The following HTR2A variants were observed in gnomAD, a reference collection of about 807,000 sequenced individuals.
HTR2A encodes 5-HT2 receptor.
In HTR2A, 14 loss-of-function variants were observed where a neutral mutation model predicts 31.0. That is an observed-to-expected ratio of 0.45 (90% CI 0.30 to 0.71). HTR2A has a LOEUF of 0.71. HTR2A is among the 30% of genes least tolerant of loss of function. The probability of loss-of-function intolerance (pLI) is 0.09; values close to 1 mark genes in which losing one functional copy is unlikely to be tolerated. For missense variants in HTR2A, 442 were observed against 573.3 expected (o/e 0.77, Z 2.34); for synonymous variants, 209 against 225.2 (o/e 0.93, Z 0.64).
At chr13:46,846,740 T>G (rs1593427957) in intron 3 of HTR2A, among the ~76,000 whole-genome samples, 1 of 152,208 alleles carries the variant, frequency 6.6e-6, no homozygotes, top group Admixed American at 6.5e-5. Flanking sequence ...ACTTCCACTG[T>G]GTCCTTTCTC....
rs201140013 is a variant in HTR2A at position 46,863,645 on chromosome 13, A to G, written c.614-28006T>C. Among the ~76,000 whole-genome samples the G allele has an allele frequency of 2.0e-4, 6 of 30,536 alleles. 1 individual carries two copies. The Admixed American group carries it at 2.1e-3, about 11-fold the overall frequency. The allele number at this position is 30,536 out of a possible 152,430, so 20.0% of individuals were successfully genotyped here. A position where few individuals can be genotyped will look rare whatever the true frequency, so the allele number is the denominator to read the frequency against. On this transcript the variant is annotated intron_variant, in intron 3 of 3. Coordinates refer to ENST00000542664, the MANE Select transcript of HTR2A (RefSeq NM_000621.5). ...CCCTCAAAATGAAAAAAAAAAAAAA[A>G]AAAAGAAAAAAAAAAAAGACAGTCA...
rs1876405250 is a variant in HTR2A, at chr13:46,835,303, T to C, written c.950A>G (p.Asn317Ser). Reference sequence around the variant, plus strand: ...CAGCACCTTGCATGCCTTTTGCTCATTGCTGATGGACTGCATAGTCCTCCT... The same window carrying C: ...CAGCACCTTGCATGCCTTTTGCTCACTGCTGATGGACTGCATAGTCCTCCT... ...TGRRTMQSIS[N>S]EQKACKVLGI... is the part of the protein sequence containing the mutation. Residue 317 changes from asparagine to serine, a missense_variant, in exon 4 of 4, where the codon AAT (asparagine) becomes AGT (serine). Physicochemically the swap from Asn to Ser is conservative, Grantham distance 46. This residue lies in a region of HTR2A where 174 missense variants were observed against 195.1 expected (regional missense o/e 0.89). Coordinates refer to ENST00000542664, the MANE Select transcript of HTR2A (RefSeq NM_000621.5). The C allele has an allele frequency of 1.2e-6, 2 of 1,614,092 alleles. No individual in the cohort carries two copies. The highest frequency in any genetic ancestry group is 1.7e-6 in the Non-Finnish European group (2 of 1,179,990).
At chr13:46,871,966 ATTACT>A (rs750006839) in intron 3 of HTR2A, among the ~76,000 whole-genome samples, 7 of 152,244 alleles carry the variant, frequency 4.6e-5, no homozygotes, top group Non-Finnish European at 7.3e-5. Flanking sequence ...TGCCAGGGAA[ATTACT>A]TTAGTCGTAT....
chr13:46,884,172 T>G (rs1317145363), intron 3 of HTR2A, among the ~76,000 whole-genome samples: 5 of 152,176 alleles, frequency 3.3e-5, no homozygotes, highest in Admixed American at 3.3e-4. Context: ...ACAGGCCGGG[T>G]GAAGTGGCTC....
intron 1 of HTR2A, 51 bp from the exon 2 acceptor site, chr13:46,896,285 AT>A: frequency 9.6e-7 from 1 of 1,045,248 alleles, no homozygotes. Context: ...GTTTAACTAT[AT>A]CTCATTTTGT....
chr13:46,869,085 C>T (rs933729385), intron 3 of HTR2A, among the ~76,000 whole-genome samples: 1 of 152,060 alleles, frequency 6.6e-6, no homozygotes, highest in African/African-American at 2.4e-5. Context: ...AATAGATAAA[C>T]CGGACTTCGT....
At position 46,892,735 on chromosome 13, in the gene HTR2A, C is replaced by G. The variant is rs1000298491; in HGVS notation, c.413-145G>C. 6.1e-6 allele frequency: 4 copies of G among 656,338 alleles called. No individual in the cohort carries two copies. The South Asian group carries it at 7.5e-5, about 12-fold the overall frequency. The allele number at this position is 656,338 out of a possible 1,614,324, so 40.7% of individuals were successfully genotyped here. A position where few individuals can be genotyped will look rare whatever the true frequency, so the allele number is the denominator to read the frequency against. On this transcript the variant is annotated intron_variant, in intron 2 of 3. Transcript: ENST00000542664. ...ATATATTTTTAGTATTTGAAAAAAG[C>G]CCACTGGCAACTGTACTTAACTATG...
rs1011437436 is a variant in HTR2A, at chr13:46,895,430, G to A, written c.412+65C>T. 118 of 1,474,696 alleles carry A rather than the reference G, an allele frequency of 8.0e-5. No homozygotes were observed. The highest frequency in any genetic ancestry group is 1.1e-4 in the Non-Finnish European group (115 of 1,080,382). 91.4% of individuals were successfully genotyped at this position (1,474,696 alleles called of 1,614,324 possible). Reference sequence around the variant, plus strand: ...TTGCCCCCTGAGCCCCATCTCATCTGCTGGTGGCATGCACATGCTCTTTAT... The same window carrying A: ...TTGCCCCCTGAGCCCCATCTCATCTACTGGTGGCATGCACATGCTCTTTAT... On this transcript the variant is annotated intron_variant, in intron 2 of 3. Transcript: ENST00000542664. This position sits in a 1 kb window ranked among gnomAD's most constrained non-coding sequence, Gnocchi z 4.4.
intron 3 of HTR2A, among the ~76,000 whole-genome samples, chr13:46,868,187 C>T (rs1950833879): frequency 6.6e-6 from 1 of 152,186 alleles, no homozygotes; most frequent in South Asian, 2.1e-4. Flanking sequence ...TCAGGAAGCA[C>T]ATAACATTTA....
intron 3 of HTR2A, among the ~76,000 whole-genome samples, chr13:46,889,378 TA>T (rs1222929154): frequency 6.6e-6 from 1 of 152,144 alleles, no homozygotes; most frequent in Non-Finnish European, 1.5e-5. Flanking sequence ...AAATACTATT[TA>T]AAAAGGAGCC....
intron 3 of HTR2A, among the ~76,000 whole-genome samples, chr13:46,872,067 T>C (rs927773746): frequency 6.6e-6 from 1 of 152,202 alleles, no homozygotes; most frequent in Admixed American, 6.5e-5. Flanking sequence ...CTTTCAAATA[T>C]GAGAAGGTAC....
At chr13:46,885,368 G>C (rs1950998276) in intron 3 of HTR2A, among the ~76,000 whole-genome samples, 1 of 152,134 alleles carries the variant, frequency 6.6e-6, no homozygotes, top group Non-Finnish European at 1.5e-5. Flanking sequence ...CTTTCAAATT[G>C]TCTATTTCTT....
In HTR2A at chr13:46,888,158, G is replaced by T. The variant is rs200719824; in HGVS notation, c.613+4232C>A. ...AAGGTTTAGCATACATGAGATTGGA[G>T]TCCCAGACATGAGGAAGAGAGAGAA... On this transcript the variant is annotated intron_variant, in intron 3 of 3. Coordinates refer to ENST00000542664, the MANE Select transcript of HTR2A (RefSeq NM_000621.5). Among the ~76,000 whole-genome samples, 5 of 152,060 alleles carry T rather than the reference G, an allele frequency of 3.3e-5. No homozygotes were observed. The East Asian group carries it at 9.6e-4, about 29-fold the overall frequency.
At chr13:46,853,461 T>A (rs962156779) in intron 3 of HTR2A, among the ~76,000 whole-genome samples, 1 of 152,162 alleles carries the variant, frequency 6.6e-6, no homozygotes, top group Non-Finnish European at 1.5e-5. Flanking sequence ...CACACTGGAA[T>A]CACCTGGCAG....
At chr13:46,854,398 G>A (rs1186513108) in intron 3 of HTR2A, among the ~76,000 whole-genome samples, 1 of 152,196 alleles carries the variant, frequency 6.6e-6, no homozygotes, top group Non-Finnish European at 1.5e-5. Flanking sequence ...ACACCTTAGT[G>A]CTTGCTCCTC....
chr13:46,862,672 T>C (rs139717102), intron 3 of HTR2A, among the ~76,000 whole-genome samples: 3 of 152,338 alleles, frequency 2.0e-5, no homozygotes, highest in African/African-American at 7.2e-5. Flanking sequence ...AGACAACTTA[T>C]AACTTATGTT....
At chr13:46,885,895 A>C (rs942995375) in intron 3 of HTR2A, among the ~76,000 whole-genome samples, 2 of 152,186 alleles carry the variant, frequency 1.3e-5, no homozygotes, top group South Asian at 2.1e-4. Context: ...AATTGCCTGA[A>C]ATTTTAGTTT....
At chr13:46,890,180 C>T (rs543387098) in intron 3 of HTR2A, among the ~76,000 whole-genome samples, 3 of 152,302 alleles carry the variant, frequency 2.0e-5, no homozygotes, top group South Asian at 2.1e-4. Flanking sequence ...CTTGTCTCTA[C>T]TAAAAATGCA....
At chr13:46,876,014 T>C (rs1230707957) in intron 3 of HTR2A, among the ~76,000 whole-genome samples, 6 of 152,216 alleles carry the variant, frequency 3.9e-5, no homozygotes, top group Non-Finnish European at 7.3e-5. Context: ...ATCTTGCTTA[T>C]CTAATCACAA....
Sources: allele counts gnomAD v4.1 joint callset (sites outside exome capture counted in the v4.1 genomes callset), GRCh38; gene constraint gnomAD v4.1.1; regional missense constraint gnomAD v4.1.1; non-coding constraint Gnocchi (gnomAD v3.1); transcripts MANE v1.5; gene names NCBI Gene and HGNC (gene_info 2026-07-23, HGNC 2026-07-21).